CDC42BPG: variants seen among roughly 807,000 people sequenced by gnomAD.
CDC42BPG encodes the protein CDC42 binding protein kinase gamma, also known as serine/threonine-protein kinase MRCK gamma.
In CDC42BPG, 157 loss-of-function variants were observed where a neutral mutation model predicts 192.2. That is an observed-to-expected ratio of 0.82 (90% CI 0.72 to 0.93). The LOEUF (loss-of-function observed/expected upper bound fraction) is 0.93. Ranked by LOEUF, CDC42BPG falls within the 40% of genes least tolerant of loss-of-function variation. The probability of loss-of-function intolerance (pLI) is 0.00; values close to 1 mark genes in which losing one functional copy is unlikely to be tolerated. For synonymous variants in CDC42BPG, 981 were observed against 918.5 expected (o/e 1.07, Z -1.23); for missense variants, 1,992 against 2,122.1 (o/e 0.94, Z 1.20).
intron 1 of CDC42BPG, 28 bp downstream of exon 1, chr11:64,844,382 C>A: frequency 7.3e-7 from 1 of 1,376,086 alleles, no homozygotes; most frequent in African/African-American, 1.5e-5. Context: ...CTAGGCCCGC[C>A]CCCGCTCCGT....
chr11:64,839,643 G>A (rs1037021739), intron 5 of CDC42BPG, 72 bp from the exon 6 acceptor site: 2 of 1,269,678 alleles, frequency 1.6e-6, no homozygotes, highest in East Asian at 2.5e-5. Flanking sequence ...ACACGCCCAG[G>A]TGCACATGCA....
At chr11:64,835,703 T>G (rs1246463200) in intron 14 of CDC42BPG, 59 bp downstream of exon 14, 5 of 1,606,722 alleles carry the variant, frequency 3.1e-6, no homozygotes, top group Non-Finnish European at 4.3e-6. Context: ...GCCCTGAGGC[T>G]CTGAGTGGGG....
intron 24 of CDC42BPG, 94 bp from the exon 25 acceptor site, chr11:64,833,053 G>C: frequency 7.0e-7 from 1 of 1,421,398 alleles, no homozygotes; most frequent in South Asian, 1.4e-5. Context: ...CTTCCCTGAA[G>C]CCACGGTGGC....
At chr11:64,844,292 G>T in intron 1 of CDC42BPG, 118 bp downstream of exon 1, 1 of 1,022,292 alleles carries the variant, frequency 9.8e-7, no homozygotes, top group Non-Finnish European at 1.3e-6. Flanking sequence ...GGCCACTGCA[G>T]GGAGTCTGCG....
intron 11 of CDC42BPG, 22 bp downstream of exon 11, chr11:64,836,717 G>GGGGGGGT: frequency 1.2e-6 from 1 of 858,760 alleles, no homozygotes; most frequent in Non-Finnish European, 1.7e-6. Flanking sequence ...GGGGGGGGGG[G>GGGGGGGT]GGGGGTGGGC....
intron 8 of CDC42BPG, 67 bp from the exon 9 acceptor site, chr11:64,838,229 C>T (rs931095961): frequency 2.3e-5 from 29 of 1,285,304 alleles, no homozygotes; most frequent in African/African-American, 4.5e-5. Flanking sequence ...GGCCCAGGAG[C>T]CCCCTGGGAC....
At chr11:64,838,059 C>G in intron 9 of CDC42BPG, 24 bp downstream of exon 9, 1 of 1,540,428 alleles carries the variant, frequency 6.5e-7, no homozygotes, top group Non-Finnish European at 8.8e-7. Flanking sequence ...AGCCTCCCAC[C>G]AGGTGTGTGA....
At position 64,836,705 on chromosome 11, in the gene CDC42BPG, CTGG is replaced by C. The variant is rs767404150; in HGVS notation, c.1384+31_1384+33del. 5.0e-3 allele frequency: 1,759 copies of C among 352,382 alleles called. 87 individuals carry two copies. In the African/African-American group the frequency reaches 0.063, roughly 13 times the overall value. The allele number at this position is 352,382 out of a possible 1,614,324, so 21.8% of individuals were successfully genotyped here. A position where few individuals can be genotyped will look rare whatever the true frequency, so the allele number is the denominator to read the frequency against. ...ACCCGAGCCCAGGTGGGACTCAGCC[CTGG>C]GGGGGGGGGGGGGGTGGGCGGAAGG... On this transcript the variant is annotated intron_variant, in intron 11 of 36. Transcript: ENST00000342711.
At chr11:64,841,567 C>A (rs540547698) in intron 3 of CDC42BPG, 83 bp downstream of exon 3, 3 of 1,168,734 alleles carry the variant, frequency 2.6e-6, no homozygotes, top group Admixed American at 3.5e-5. Flanking sequence ...GCCCGCCCCC[C>A]CCGCGCCATA....
intron 18 of CDC42BPG, 88 bp downstream of exon 18, chr11:64,834,761 G>T: frequency 7.1e-7 from 1 of 1,401,916 alleles, no homozygotes. Flanking sequence ...CCCACCTCCA[G>T]TAGTGACCTT....
At position 64,830,201 on chromosome 11, in the gene CDC42BPG, G is replaced by A. The variant is rs368106090; in HGVS notation, c.3360C>T (p.Arg1120=). ...CCCAGCTTTGATAGGTACCGTTGCT[G>A]CGCAGATGGATGACAAAGAGCCCCT... ...TEEGLFVIHL[R]SNDIFQVGEC... is the part of the protein sequence containing the mutation. The change falls in exon 29 of 37, where the codon CGC becomes CGT. Residue 1120 remains arginine (R), a synonymous_variant. Coordinates refer to ENST00000342711, the MANE Select transcript of CDC42BPG (RefSeq NM_017525.3). 1 of 1,613,648 alleles carries A rather than the reference G, an allele frequency of 6.2e-7. No individual in the cohort carries two copies. The highest frequency in any genetic ancestry group is 8.5e-7 in the Non-Finnish European group (1 of 1,179,826).
Position 64,840,190 on chromosome 11 carries a change from G to C in CDC42BPG, c.511C>G (p.Leu171Val), listed in dbSNP as rs1298984340. 1 of 1,613,210 alleles carries C rather than the reference G, an allele frequency of 6.2e-7. No homozygotes were observed. Among genetic ancestry groups the C allele is most frequent in the Non-Finnish European group, 8.5e-7 (1 of 1,179,982 alleles). ...SRFEDRLPPE[L>V]AQFYLAEMVL... ...ATCTCAGCCAGGTAGAACTGGGCCAGCTCGGGCGGGAGACGGTCCTCGAAG... is the reference window on the plus strand; with the variant it reads ...ATCTCAGCCAGGTAGAACTGGGCCACCTCGGGCGGGAGACGGTCCTCGAAG... Residue 171 changes from leucine (L) to valine (V), a missense_variant, in exon 5 of 37, where the codon CTG (leucine) becomes GTG (valine). Leu to Val is a conservative substitution (Grantham distance 32, BLOSUM62 1). Around this residue, in one of 2 missense-constraint regions of CDC42BPG, gnomAD observed 1,656 missense variants for 1,844.3 expected, o/e 0.90. Coordinates refer to ENST00000342711, the MANE Select transcript of CDC42BPG (RefSeq NM_017525.3).
At chr11:64,841,505 TAAC>T (rs1353432604) in intron 3 of CDC42BPG, 142 bp downstream of exon 3, 4 of 674,070 alleles carry the variant, frequency 5.9e-6, no homozygotes, top group Non-Finnish European at 1.1e-5. Flanking sequence ...GTGAGAAAGA[TAAC>T]AAATCAGTGG....
intron 30 of CDC42BPG, among the ~76,000 whole-genome samples, chr11:64,829,106 G>T (rs1565672036): frequency 6.6e-6 from 1 of 152,174 alleles, no homozygotes; most frequent in South Asian, 2.1e-4. Context: ...TGTGCCCCCA[G>T]TTACTCGAGA....
Position 64,836,719 on chromosome 11 carries a change from G to GGGGGGGT in CDC42BPG, c.1384+19_1384+20insACCCCCC. On this transcript the variant is annotated intron_variant, in intron 11 of 36. Transcript: ENST00000342711. The stretch of plus-strand genomic sequence containing the variant: ...GGGACTCAGCCCTGGGGGGGGGGGG[G>GGGGGGGT]GGGTGGGCGGAAGGGATACCTGGCA... The GGGGGGGT allele has an allele frequency of 3.6e-6, 3 of 842,260 alleles. No individual in the cohort carries two copies. Among genetic ancestry groups the GGGGGGGT allele is most frequent in the Non-Finnish European group, 5.2e-6 (3 of 582,314 alleles). The allele number at this position is 842,260 out of a possible 1,614,324, so 52.2% of individuals were successfully genotyped here. A position where few individuals can be genotyped will look rare whatever the true frequency, so the allele number is the denominator to read the frequency against.
At position 64,840,211 on chromosome 11, in the gene CDC42BPG, C is replaced by T. The variant is rs780085960; in HGVS notation, c.490G>A (p.Glu164Lys). ...GDLLTLLSRF[E>K]DRLPPELAQF... ...GCCAGCTCGGGCGGGAGACGGTCCTCGAAGCGGCTCAGCAGCGTCAGGAGG... is the reference window on the plus strand; with the variant it reads ...GCCAGCTCGGGCGGGAGACGGTCCTTGAAGCGGCTCAGCAGCGTCAGGAGG... The change falls in exon 5 of 37, where the codon GAG becomes AAG. Residue 164 changes from glutamate to lysine, a missense_variant. By Grantham distance (56) the Glu-to-Lys change is moderately conservative. Around this residue, in one of 2 missense-constraint regions of CDC42BPG, gnomAD observed 1,656 missense variants for 1,844.3 expected, o/e 0.90. Coordinates refer to ENST00000342711, the MANE Select transcript of CDC42BPG (RefSeq NM_017525.3). 1.7e-5 allele frequency: 28 copies of T among 1,613,082 alleles called. No individual in the cohort carries two copies. Among genetic ancestry groups the T allele is most frequent in the Non-Finnish European group, 2.1e-5 (25 of 1,179,998 alleles).
At position 64,834,525 on chromosome 11, in the gene CDC42BPG, A is replaced by G; in HGVS notation, c.2228T>C (p.Leu743Pro). ...RLQKMEASAR[L>P]ELQSALEAEI... is the part of the protein sequence containing the mutation. ...GGCCTCCAGCGCTGACTGCAGCTCC[A>G]GCCTGGCCGAGGCCTCCATCTTCTG... The change falls in exon 19 of 37, where the codon CTG becomes CCG. Residue 743 changes from leucine (L) to proline (P), a missense_variant. Leu to Pro is a moderately conservative substitution (Grantham distance 98). Around this residue, in one of 2 missense-constraint regions of CDC42BPG, gnomAD observed 1,656 missense variants for 1,844.3 expected, o/e 0.90. Transcript: ENST00000342711. The G allele has an allele frequency of 6.3e-7, 1 of 1,584,314 alleles. No homozygotes were observed. Among genetic ancestry groups the G allele is most frequent in the Non-Finnish European group, 8.6e-7 (1 of 1,163,330 alleles).
Position 64,833,838 on chromosome 11 carries a change from TG to T in CDC42BPG, c.2467-3del. 5.0e-6 allele frequency: 8 copies of T among 1,614,242 alleles called. No homozygotes were observed. The highest frequency in any genetic ancestry group is 6.8e-6 in the Non-Finnish European group (8 of 1,180,032). On this transcript the variant is annotated splice_region_variant and splice_polypyrimidine_tract_variant and intron_variant, in intron 21 of 36. Transcript: ENST00000342711. ...GCCAGGGTCCTTGGCAGAATCCTTC[TG>T]GGGGTGGGAGAGAGAGGAGCAAAGT... is the stretch of plus-strand genomic sequence containing the variant.
At chr11:64,842,831 G>A (rs916063785) in intron 1 of CDC42BPG, among the ~76,000 whole-genome samples, 7 of 152,180 alleles carry the variant, frequency 4.6e-5, no homozygotes, top group South Asian at 2.1e-4. Flanking sequence ...GTGGTCTGGC[G>A]CCCTGCCTCA....
Sources: gnomAD v4.1 joint callset for allele counts (sites outside exome capture counted in the v4.1 genomes callset) on GRCh38, gnomAD v4.1.1 for gene constraint, gnomAD v4.1.1 regional missense constraint, MANE v1.5 for transcripts, NCBI Gene and HGNC (gene_info 2026-07-23, HGNC 2026-07-21) for gene names.